The following RFX7 variants were observed in gnomAD, a reference collection of about 807,000 sequenced individuals.
The protein encoded by RFX7 is regulatory factor X7, also known as DNA-binding protein RFX7.
In RFX7, 26 loss-of-function variants were observed where a neutral mutation model predicts 111.8. The ratio of observed to expected loss-of-function variants is 0.23; its 90% confidence interval spans 0.17 to 0.32. The LOEUF (loss-of-function observed/expected upper bound fraction) is 0.32, where lower values mean the gene tolerates loss of function less well. RFX7 is among the 10% of genes least tolerant of loss of function. RFX7 has a pLI of 1.00. For synonymous variants in RFX7, 624 were observed against 624.4 expected (o/e 1.00, Z 0.01); for missense variants, 1,573 against 1,772.9 (o/e 0.89, Z 2.02).
At chr15:56,141,238 C>T (rs1186792089) in intron 5 of RFX7, among the ~76,000 whole-genome samples, 3 of 150,844 alleles carry the variant, frequency 2.0e-5, no homozygotes, top group African/African-American at 7.3e-5. Flanking sequence ...GTGTTAGCTA[C>T]TCAGAGGGCT....
intron 2 of RFX7, among the ~76,000 whole-genome samples, chr15:56,181,072 A>T (rs536488500): frequency 4.3e-4 from 65 of 152,340 alleles, no homozygotes; most frequent in African/African-American, 1.5e-3. Flanking sequence ...TTCTTTTTGA[A>T]GATGACATTA....
chr15:56,144,376 A>G (rs1046444047), intron 4 of RFX7, 25 bp downstream of exon 4: 2 of 1,275,456 alleles, frequency 1.6e-6, no homozygotes, highest in Non-Finnish European at 2.1e-6. Flanking sequence ...CAGCATAATT[A>G]TAGCAAAGAC....
At chr15:56,149,499 T>C (rs1015190740) in intron 3 of RFX7, among the ~76,000 whole-genome samples, 39 of 152,200 alleles carry the variant, frequency 2.6e-4, no homozygotes, top group African/African-American at 9.4e-4. Context: ...CCAACTGAGG[T>C]ACCTGGTTCA....
At chr15:56,126,992 A>G (rs1220796717) in intron 5 of RFX7, among the ~76,000 whole-genome samples, 1 of 152,180 alleles carries the variant, frequency 6.6e-6, no homozygotes. Context: ...GATCAACACT[A>G]TAAACCAACT....
intron 2 of RFX7, among the ~76,000 whole-genome samples, chr15:56,201,418 T>C (rs1335021763): frequency 6.6e-6 from 1 of 151,986 alleles, no homozygotes; most frequent in African/African-American, 2.4e-5. Flanking sequence ...GGAAAGAAAA[T>C]CCAGCCTAAA....
At chr15:56,175,815 G>T (rs1365550768) in intron 3 of RFX7, among the ~76,000 whole-genome samples, 14 of 152,112 alleles carry the variant, frequency 9.2e-5, no homozygotes. Context: ...TGAGATATCT[G>T]GAAAAGGAAG....
At chr15:56,114,448 AC>A (rs2140948486) in intron 5 of RFX7, among the ~76,000 whole-genome samples, 1 of 151,742 alleles carries the variant, frequency 6.6e-6, no homozygotes, top group Non-Finnish European at 1.5e-5. Context: ...CAACAAAAAA[AC>A]AACAGAAAAG....
At chr15:56,195,244 T>C (rs565737887) in intron 2 of RFX7, among the ~76,000 whole-genome samples, 10 of 152,110 alleles carry the variant, frequency 6.6e-5, no homozygotes, top group African/African-American at 1.4e-4. Flanking sequence ...GAGTGGTTGG[T>C]TGGGGTTGCG....
intron 2 of RFX7, among the ~76,000 whole-genome samples, chr15:56,222,325 T>C (rs913061748): frequency 6.6e-6 from 1 of 152,194 alleles, no homozygotes; most frequent in Non-Finnish European, 1.5e-5. Flanking sequence ...TTTAAGTAAT[T>C]GTACTCGTTG....
chr15:56,163,189 G>T (rs1291681672), intron 3 of RFX7, among the ~76,000 whole-genome samples: 2 of 152,082 alleles, frequency 1.3e-5, no homozygotes, highest in African/African-American at 4.8e-5. Context: ...AAGGGAAGAA[G>T]ATAATTTTTT....
chr15:56,204,706 T>C (rs1471002086), intron 2 of RFX7, among the ~76,000 whole-genome samples: 1 of 152,178 alleles, frequency 6.6e-6, no homozygotes, highest in African/African-American at 2.4e-5. Context: ...CAAGTAATAA[T>C]GGCAATGGAA....
At position 56,093,965 on chromosome 15, in the gene RFX7, T is replaced by G; in HGVS notation, c.3763A>C (p.Ser1255Arg). 6.2e-7 allele frequency: 1 copy of G among 1,614,022 alleles called. No individual in the cohort carries two copies. Among genetic ancestry groups the G allele is most frequent in the Non-Finnish European group, 8.5e-7 (1 of 1,179,884 alleles). Residue 1255 changes from serine (S) to arginine (R), a missense_variant, in exon 10 of 10, where the codon AGT (serine) becomes CGT (arginine). Physicochemically the swap from Ser to Arg is moderately radical, Grantham distance 110. Coordinates refer to ENST00000559447, the MANE Select transcript of RFX7 (RefSeq NM_022841.7). ...NSKKITNVLLSKLDSDNDDAV... is the reference protein window; with the variant it reads ...NSKKITNVLLRKLDSDNDDAV... The stretch of plus-strand genomic sequence containing the variant: ...TCATCATTGTCGGAATCAAGTTTAC[T>G]CAACAAAACATTGGTTATTTTTTTA...
intron 2 of RFX7, among the ~76,000 whole-genome samples, chr15:56,218,897 C>G (rs900272065): frequency 5.3e-5 from 8 of 151,794 alleles, no homozygotes; most frequent in Non-Finnish European, 2.9e-5. Flanking sequence ...ACAGAGAGAT[C>G]GAATTGCACA....
intron 3 of RFX7, among the ~76,000 whole-genome samples, chr15:56,150,535 C>T (rs536892901): frequency 1.1e-3 from 164 of 152,276 alleles, no homozygotes; most frequent in Middle Eastern, 3.4e-3. Flanking sequence ...GGAGTTAACA[C>T]ATCCACTCAA....
intron 3 of RFX7, among the ~76,000 whole-genome samples, chr15:56,162,870 T>C (rs1028060120): frequency 6.6e-5 from 10 of 152,118 alleles, no homozygotes; most frequent in Admixed American, 1.3e-4. Context: ...ACAGACATGC[T>C]CTTCATTTTG....
intron 2 of RFX7, among the ~76,000 whole-genome samples, chr15:56,215,107 T>C (rs2043350607): frequency 6.6e-6 from 1 of 152,224 alleles, no homozygotes; most frequent in South Asian, 2.1e-4. Flanking sequence ...TGCAGATGCT[T>C]ACATCTCTTT....
chr15:56,240,658 C>G (rs1422171067), intron 2 of RFX7, among the ~76,000 whole-genome samples: 2 of 152,038 alleles, frequency 1.3e-5, no homozygotes, highest in African/African-American at 4.8e-5. Flanking sequence ...ATGCAAAACC[C>G]ATTTGATAAT....
intron 5 of RFX7, among the ~76,000 whole-genome samples, chr15:56,120,660 T>C (rs950858291): frequency 2.2e-4 from 34 of 152,198 alleles, no homozygotes; most frequent in African/African-American, 8.0e-4. Context: ...TAAGGTATGT[T>C]CATTCTATGC....
intron 2 of RFX7, among the ~76,000 whole-genome samples, chr15:56,220,542 T>C (rs1478873081): frequency 2.0e-5 from 3 of 152,034 alleles, no homozygotes; most frequent in Non-Finnish European, 4.4e-5. Flanking sequence ...AATGTTTTTT[T>C]TTTCTGCTTA....
Sources: allele counts gnomAD v4.1 joint callset (sites outside exome capture counted in the v4.1 genomes callset), GRCh38; gene constraint gnomAD v4.1.1; transcripts MANE v1.5; gene names NCBI Gene and HGNC (gene_info 2026-07-23, HGNC 2026-07-21).